Variants in SPSB4 observed in about 807,000 individuals in gnomAD.
The protein encoded by SPSB4 is splA/ryanodine receptor domain and SOCS box containing 4.
A neutral mutation model predicts 20.9 loss-of-function variants in SPSB4; 21 were observed. The observed-to-expected ratio is 1.01, with a 90% confidence interval of 0.71 to 1.45. SPSB4 has a LOEUF of 1.45. Ranked by LOEUF, SPSB4 falls within the 40% of genes most tolerant of loss-of-function variation. SPSB4 has a pLI of 0.00. For missense variants in SPSB4, 399 were observed against 399.2 expected (o/e 1.00, Z 0.00); for synonymous variants, 207 against 183.8 (o/e 1.13, Z -1.02).
intron 2 of SPSB4, among the ~76,000 whole-genome samples, chr3:141,069,541 T>C (rs1233639929): frequency 7.9e-5 from 12 of 152,140 alleles, no homozygotes; most frequent in Admixed American, 7.9e-4. Flanking sequence ...AAGACATCCT[T>C]GGAAGCAAAA....
At chr3:141,057,099 T>A (rs982135714) in intron 1 of SPSB4, among the ~76,000 whole-genome samples, 131 of 152,328 alleles carry the variant, frequency 8.6e-4, no homozygotes, top group African/African-American at 3.1e-3. Flanking sequence ...TGATTCCACC[T>A]GGAACTGGAC....
intron 2 of SPSB4, among the ~76,000 whole-genome samples, chr3:141,133,604 A>G (rs138079523): frequency 9.9e-4 from 151 of 152,154 alleles, no homozygotes; most frequent in African/African-American, 3.3e-3. Flanking sequence ...GGCTGTGGGT[A>G]TTTGGCTTTA....
At chr3:141,093,134 G>A (rs1938487073) in intron 2 of SPSB4, among the ~76,000 whole-genome samples, 1 of 152,056 alleles carries the variant, frequency 6.6e-6, no homozygotes, top group African/African-American at 2.4e-5. Flanking sequence ...GGTGGAAGAT[G>A]GGGCAGCTGC....
intron 2 of SPSB4, among the ~76,000 whole-genome samples, chr3:141,089,395 A>G (rs1370410105): frequency 6.6e-6 from 1 of 152,206 alleles, no homozygotes; most frequent in Non-Finnish European, 1.5e-5. Flanking sequence ...TACACAGGAC[A>G]CAGAGGAGTC....
chr3:141,101,519 G>A (rs1416192184), intron 2 of SPSB4, among the ~76,000 whole-genome samples: 4 of 152,186 alleles, frequency 2.6e-5, no homozygotes, highest in Non-Finnish European at 5.9e-5. Context: ...CCATGACTGA[G>A]TTACTCAACC....
At chr3:141,107,914 C>A (rs1938724406) in intron 2 of SPSB4, among the ~76,000 whole-genome samples, 1 of 151,792 alleles carries the variant, frequency 6.6e-6, no homozygotes. Context: ...GAGATCACAC[C>A]ACTGCACTCC....
At chr3:141,055,246 T>A (rs1406976786) in intron 1 of SPSB4, among the ~76,000 whole-genome samples, 3 of 151,570 alleles carry the variant, frequency 2.0e-5, no homozygotes, top group Non-Finnish European at 4.4e-5. Flanking sequence ...GGGAAGAGGA[T>A]GTAGTGGGCT....
intron 2 of SPSB4, among the ~76,000 whole-genome samples, chr3:141,070,423 C>G (rs1179292027): frequency 1.3e-5 from 2 of 152,072 alleles, no homozygotes; most frequent in Non-Finnish European, 2.9e-5. Flanking sequence ...ACCTCTCACT[C>G]CTGGGCTCAA....
intron 2 of SPSB4, among the ~76,000 whole-genome samples, chr3:141,086,879 G>T (rs1280392291): frequency 6.6e-6 from 1 of 152,184 alleles, no homozygotes; most frequent in Admixed American, 6.5e-5. Flanking sequence ...AGGCATAGAG[G>T]CTTGCCCAAG....
intron 2 of SPSB4, chr3:141,124,090 C>T (rs1939013817): frequency 6.6e-6 from 1 of 152,248 alleles, no homozygotes; most frequent in Non-Finnish European, 1.5e-5. Context: ...ATCAGAGGAC[C>T]TGGGCTGCAT....
chr3:141,139,423 C>T (rs1939285042), intron 2 of SPSB4, among the ~76,000 whole-genome samples: 1 of 152,198 alleles, frequency 6.6e-6, no homozygotes, highest in African/African-American at 2.4e-5. Context: ...GCATTTTCTT[C>T]CTAGCCTCGA....
chr3:141,058,271 TCTC>T (rs889282096), intron 1 of SPSB4, among the ~76,000 whole-genome samples: 9 of 152,304 alleles, frequency 5.9e-5, no homozygotes, highest in Non-Finnish European at 1.2e-4. Context: ...CCACTTCATG[TCTC>T]CTCATTTCCC....
chr3:141,107,243 A>T (rs567359659), intron 2 of SPSB4, among the ~76,000 whole-genome samples: 33 of 152,384 alleles, frequency 2.2e-4, no homozygotes, highest in Non-Finnish European at 4.3e-4. Context: ...TCAGAAATCC[A>T]TTAGTAATTA....
At chr3:141,069,376 G>C (rs1039866885) in intron 2 of SPSB4, among the ~76,000 whole-genome samples, 2 of 152,180 alleles carry the variant, frequency 1.3e-5, no homozygotes, top group East Asian at 1.9e-4. Flanking sequence ...GAATCCCTGG[G>C]TTTGGGACTA....
chr3:141,122,423 C>T (rs779308008), intron 2 of SPSB4, among the ~76,000 whole-genome samples: 23 of 152,198 alleles, frequency 1.5e-4, no homozygotes, highest in Non-Finnish European at 2.9e-4. Context: ...AGCTCAAACA[C>T]CATGCTGGGA....
intron 2 of SPSB4, among the ~76,000 whole-genome samples, chr3:141,093,743 T>A (rs1291096736): frequency 6.6e-6 from 1 of 152,162 alleles, no homozygotes; most frequent in African/African-American, 2.4e-5. Flanking sequence ...CAGTTCAACC[T>A]CTGCAGCAGG....
intron 2 of SPSB4, among the ~76,000 whole-genome samples, chr3:141,078,999 T>C (rs1000427344): frequency 2.0e-5 from 3 of 152,150 alleles, no homozygotes; most frequent in East Asian, 1.9e-4. Context: ...CGGTGGCTCA[T>C]GCCTGTAATC....
intron 2 of SPSB4, 145 bp from the exon 3 acceptor site, chr3:141,146,997 C>G: frequency 1.8e-6 from 2 of 1,104,602 alleles, no homozygotes; most frequent in Non-Finnish European, 2.6e-6. Flanking sequence ...GCTTATGTAA[C>G]CAGAGAAATC....
At chr3:141,052,680 G>C (rs918914646) in intron 1 of SPSB4, among the ~76,000 whole-genome samples, 1 of 152,150 alleles carries the variant, frequency 6.6e-6, no homozygotes, top group Non-Finnish European at 1.5e-5. Flanking sequence ...CCTGGCCCGA[G>C]AGCGACTCAG....
Sources: allele counts gnomAD v4.1 joint callset (sites outside exome capture counted in the v4.1 genomes callset), GRCh38; gene constraint gnomAD v4.1.1; transcripts MANE v1.5; gene names NCBI Gene and HGNC (gene_info 2026-07-23, HGNC 2026-07-21).